CCDC92: variants seen among roughly 807,000 people sequenced by gnomAD.
The protein encoded by CCDC92 is coiled-coil domain-containing protein 92.
Under a neutral mutation model 24.9 loss-of-function variants are expected in CCDC92, and 12 were observed. That is an observed-to-expected ratio of 0.48 (90% CI 0.31 to 0.78). The LOEUF (loss-of-function observed/expected upper bound fraction) is 0.78, where lower values mean the gene tolerates loss of function less well. Ranked by LOEUF, CCDC92 falls within the 30% of genes least tolerant of loss-of-function variation. The probability of loss-of-function intolerance (pLI) is 0.05; values close to 1 mark genes in which losing one functional copy is unlikely to be tolerated. For synonymous variants in CCDC92, 193 were observed against 196.3 expected, an observed-to-expected ratio of 0.98 and a Z score of 0.14; for missense variants, 399 against 439.4, an observed-to-expected ratio of 0.91 and a Z score of 0.82.
Position 123,936,968 on chromosome 12 carries a change from C to T in CCDC92, c.*90G>A. The T allele has an allele frequency of 2.8e-6, 4 of 1,438,020 alleles. No individual in the cohort carries two copies. Among genetic ancestry groups the T allele is most frequent in the Non-Finnish European group, 2.9e-6 (3 of 1,044,926 alleles). The allele number at this position is 1,438,020 out of a possible 1,614,324, so 89.1% of individuals were successfully genotyped here. Reference sequence around the variant, plus strand: ...GTCGGTAGGTGTGAAAAGTGTTTGGCATGCATGGGATTAAACAGAAAAGGT... The same window carrying T: ...GTCGGTAGGTGTGAAAAGTGTTTGGTATGCATGGGATTAAACAGAAAAGGT... On this transcript the variant is annotated 3_prime_UTR_variant, in exon 5 of 5. Coordinates refer to ENST00000238156, the MANE Select transcript of CCDC92 (RefSeq NM_025140.3).
In CCDC92 at chr12:123,944,313, T is replaced by C. The variant is rs757841246; in HGVS notation, c.-8A>G. 3.2e-6 allele frequency: 5 copies of C among 1,578,682 alleles called. No individual in the cohort carries two copies. The highest frequency in any genetic ancestry group is 4.7e-5 in the East Asian group (2 of 42,768). On this transcript the variant is annotated 5_prime_UTR_variant, in exon 2 of 5. Transcript: ENST00000238156. ...GAAATGTGGTGAAGTCATGGGTCTT[T>C]CTGGAAAAGCTACCAGAGTAATTCA...
At position 123,937,254 on chromosome 12, in the gene CCDC92, G is replaced by C. The variant is rs371367334; in HGVS notation, c.800C>G (p.Pro267Arg). 4.4e-5 allele frequency: 71 copies of C among 1,611,460 alleles called. No homozygotes were observed. Among genetic ancestry groups the C allele is most frequent in the Non-Finnish European group, 5.4e-5 (64 of 1,179,814 alleles). Residue 267 changes from proline to arginine, a missense_variant, in exon 5 of 5, where the codon CCC (proline) becomes CGC (arginine). Physicochemically the swap from Pro to Arg is moderately radical, Grantham distance 103. Transcript: ENST00000238156. The surrounding 1 kb of genome is among the most constrained non-coding windows in gnomAD (Gnocchi z 8.4). ...LIKERPLVIP[P>R]IASDRSGEQH... The stretch of plus-strand genomic sequence containing the variant: ...CTCGCCGCTTCGGTCGGAGGCGATG[G>C]GGGGGATGACGAGGGGCCTCTCTTT...
At chr12:123,972,161 G>A (rs1956566181) in intron 1 of CCDC92, 1 of 152,094 alleles carries the variant, frequency 6.6e-6, no homozygotes, top group African/African-American at 2.4e-5. Flanking sequence ...CGCGCGCCGC[G>A]GCCGGTCCGC....
Position 123,936,596 on chromosome 12 carries a change from G to T in CCDC92, c.*462C>A. 5.6e-6 allele frequency: 1 copy of T among 179,768 alleles called. No homozygotes were observed. 11.1% of individuals were successfully genotyped at this position (179,768 alleles called of 1,614,324 possible). A position where few individuals can be genotyped will look rare whatever the true frequency, so the allele number is the denominator to read the frequency against. Reference sequence around the variant, plus strand: ...GGAAAGGTTGGTCAGGAGGTGACAGGGGTCTCCAGGAGGAGCTCGGGAGGT... The same window carrying T: ...GGAAAGGTTGGTCAGGAGGTGACAGTGGTCTCCAGGAGGAGCTCGGGAGGT... On this transcript the variant is annotated 3_prime_UTR_variant, in exon 5 of 5. Coordinates refer to ENST00000238156, the MANE Select transcript of CCDC92 (RefSeq NM_025140.3).
intron 2 of CCDC92, chr12:123,943,842 C>T (rs1041968554): frequency 2.2e-6 from 1 of 454,062 alleles, no homozygotes; most frequent in Non-Finnish European, 4.0e-6. Flanking sequence ...CCTGGGGTCA[C>T]ACAGCCAGTG....
chr12:123,936,283 T>TAAGG lies in CCDC92; in HGVS notation c.*771_*774dup, dbSNP rs1955489560. 6.6e-6 allele frequency: 1 copy of TAAGG among 152,482 alleles called. No homozygotes were observed. The highest frequency in any genetic ancestry group is 2.1e-4 in the South Asian group (1 of 4,836). The allele number at this position is 152,482 out of a possible 1,614,324, so 9.4% of individuals were successfully genotyped here. A position where few individuals can be genotyped will look rare whatever the true frequency, so the allele number is the denominator to read the frequency against. On this transcript the variant is annotated 3_prime_UTR_variant, in exon 5 of 5. Transcript: ENST00000238156. ...AGAAGCTCAGGAGCGCAGCACATTC[T>TAAGG]AAGGACTAGCTCTGGGCCGGGAGGA...
rs1955569983 is a variant in CCDC92 at position 123,937,866 on chromosome 12, C to G, written c.224-36G>C. The G allele has an allele frequency of 1.9e-6, 3 of 1,566,810 alleles. No individual in the cohort carries two copies. The South Asian group carries it at 3.6e-5, about 19-fold the overall frequency. ...AAGCCGAGGAAGCAGGTGAAGAACT[C>G]ATTAGACTGAGGCCGAGTGGTGAGG... On this transcript the variant is annotated intron_variant, in intron 4 of 4. Transcript: ENST00000238156. This position sits in a 1 kb window ranked among gnomAD's most constrained non-coding sequence, Gnocchi z 8.4.
chr12:123,935,665 C>T lies in CCDC92; in HGVS notation c.*1393G>A. 4 of 550,342 alleles carry T rather than the reference C, an allele frequency of 7.3e-6. No homozygotes were observed. Among genetic ancestry groups the T allele is most frequent in the South Asian group, 5.2e-5 (1 of 19,392 alleles). The allele number at this position is 550,342 out of a possible 1,614,324, so 34.1% of individuals were successfully genotyped here. A position where few individuals can be genotyped will look rare whatever the true frequency, so the allele number is the denominator to read the frequency against. On this transcript the variant is annotated 3_prime_UTR_variant, in exon 5 of 5. Transcript: ENST00000238156. ...AACCTGAATGGTTTTGTTTTTAATA[C>T]TACTTTTTAAAAGGAATTTATATAA...
intron 1 of CCDC92, among the ~76,000 whole-genome samples, chr12:123,951,941 G>C (rs1445253927): frequency 1.3e-5 from 2 of 152,216 alleles, no homozygotes; most frequent in Non-Finnish European, 2.9e-5. Flanking sequence ...TTTGTTTCAA[G>C]ATTAAGAAAC....
At position 123,936,832 on chromosome 12, in the gene CCDC92, A is replaced by AT. The variant is rs1364250505; in HGVS notation, c.*225dup. ...CACGGAGCGGGATCAGAAGCAAGCG[A>AT]TTCGGCACACAGGCGTTTGGCCACA... On this transcript the variant is annotated 3_prime_UTR_variant, in exon 5 of 5. Coordinates refer to ENST00000238156, the MANE Select transcript of CCDC92 (RefSeq NM_025140.3). 1 of 614,632 alleles carries AT rather than the reference A, an allele frequency of 1.6e-6. No individual in the cohort carries two copies. Among genetic ancestry groups the AT allele is most frequent in the East Asian group, 2.8e-5 (1 of 35,884 alleles). The allele number at this position is 614,632 out of a possible 1,614,324, so 38.1% of individuals were successfully genotyped here.
intron 4 of CCDC92, among the ~76,000 whole-genome samples, chr12:123,939,730 G>GA (rs1955628743): frequency 6.6e-6 from 1 of 151,228 alleles, no homozygotes; most frequent in African/African-American, 2.4e-5. Context: ...TTGCCAAAAG[G>GA]AAAATAGATC....
intron 4 of CCDC92, among the ~76,000 whole-genome samples, chr12:123,940,732 G>A (rs757285049): frequency 2.0e-4 from 30 of 152,290 alleles, no homozygotes; most frequent in Admixed American, 3.9e-4. Context: ...CTGCCCGAGC[G>A]TCAGGGCACT....
At chr12:123,944,065 AGGAG>A in intron 2 of CCDC92, 1 of 528,134 alleles carries the variant, frequency 1.9e-6, no homozygotes, top group Admixed American at 3.8e-5. Flanking sequence ...CAGCCAAAGT[AGGAG>A]GGAGAGATGG....
In CCDC92 at chr12:123,953,342, A is replaced by C. The variant is rs116417737; in HGVS notation, c.-59-8978T>G. 9.5e-3 allele frequency among the ~76,000 whole-genome samples: 1,445 copies of C among 152,278 alleles called. 26 individuals are homozygous for C. The highest frequency in any genetic ancestry group is 0.033 in the African/African-American group (1,376 of 41,542). On this transcript the variant is annotated intron_variant, in intron 1 of 4. Coordinates refer to ENST00000238156, the MANE Select transcript of CCDC92 (RefSeq NM_025140.3). The stretch of plus-strand genomic sequence containing the variant: ...CTAGCATGGCACATCTAAAGTATGC[A>C]ATAATTTAAAATAGTGTAGATCTAT...
intron 1 of CCDC92, chr12:123,970,481 C>G (rs1956501218): frequency 6.6e-6 from 1 of 152,176 alleles, no homozygotes; most frequent in South Asian, 2.1e-4. Context: ...TATTTGAAGA[C>G]AATTAGGACA....
At position 123,936,914 on chromosome 12, in the gene CCDC92, AGAG is replaced by A; in HGVS notation, c.*141_*143del. 3 of 867,076 alleles carry A rather than the reference AGAG, an allele frequency of 3.5e-6. No homozygotes were observed. Among genetic ancestry groups the A allele is most frequent in the Non-Finnish European group, 5.3e-6 (3 of 565,736 alleles). 53.7% of individuals were successfully genotyped at this position (867,076 alleles called of 1,614,324 possible). A position where few individuals can be genotyped will look rare whatever the true frequency, so the allele number is the denominator to read the frequency against. The stretch of plus-strand genomic sequence containing the variant: ...ACACGATCATATTTTGGTGTGAAGA[AGAG>A]GGCAAGAGAAGCAGAAGGAGAATGG... On this transcript the variant is annotated 3_prime_UTR_variant, in exon 5 of 5. Coordinates refer to ENST00000238156, the MANE Select transcript of CCDC92 (RefSeq NM_025140.3).
At chr12:123,941,265 G>C (rs1955675397) in intron 4 of CCDC92, among the ~76,000 whole-genome samples, 1 of 152,214 alleles carries the variant, frequency 6.6e-6, no homozygotes, top group Non-Finnish European at 1.5e-5. Context: ...CCAGCTCCCA[G>C]TCCCAGGGCT....
chr12:123,966,756 T>A (rs1450629226), intron 1 of CCDC92: 1 of 152,222 alleles, frequency 6.6e-6, no homozygotes, highest in Non-Finnish European at 1.5e-5. Context: ...CCCGCTGGCA[T>A]CCTGAGACTA....
At chr12:123,948,441 C>A (rs930859774) in intron 1 of CCDC92, among the ~76,000 whole-genome samples, 4 of 152,240 alleles carry the variant, frequency 2.6e-5, no homozygotes, top group African/African-American at 4.8e-5. Flanking sequence ...TGCAGAAATA[C>A]AAAAGCGTCC....
Sources: gnomAD v4.1 joint callset for allele counts (sites outside exome capture counted in the v4.1 genomes callset) on GRCh38, gnomAD v4.1.1 for gene constraint, Gnocchi (gnomAD v3.1) non-coding constraint, MANE v1.5 for transcripts, NCBI Gene and HGNC (gene_info 2026-07-23, HGNC 2026-07-21) for gene names.